PTCD2: variants seen among roughly 807,000 people sequenced by gnomAD.
The protein encoded by PTCD2 is pentatricopeptide repeat domain 2.
Under a neutral mutation model 42.6 loss-of-function variants are expected in PTCD2, and 31 were observed. That is an observed-to-expected ratio of 0.73 (90% CI 0.55 to 0.98). The LOEUF (loss-of-function observed/expected upper bound fraction) is 0.98. Ranked by LOEUF, PTCD2 falls within the 50% of genes least tolerant of loss-of-function variation. PTCD2 has a pLI of 0.00. For synonymous variants in PTCD2, 183 were observed against 170.9 expected (o/e 1.07, Z -0.55); for missense variants, 476 against 454.8 (o/e 1.05, Z -0.42).
At chr5:72,352,514 ATAAAT>A in intron 8 of PTCD2, 122 bp from the exon 9 acceptor site, 1 of 525,730 alleles carries the variant, frequency 1.9e-6, no homozygotes, top group Non-Finnish European at 3.4e-6. Context: ...GTGTAAGCAA[ATAAAT>A]TAGGAAGTAG....
Position 72,358,643 on chromosome 5 carries a change from G to A in PTCD2, c.*216G>A, listed in dbSNP as rs1261297139. 1 of 571,138 alleles carries A rather than the reference G, an allele frequency of 1.8e-6. No homozygotes were observed. The highest frequency in any genetic ancestry group is 3.1e-6 in the Non-Finnish European group (1 of 319,850). The allele number at this position is 571,138 out of a possible 1,614,324, so 35.4% of individuals were successfully genotyped here. The stretch of plus-strand genomic sequence containing the variant: ...ATGCAAGCTTGGCTCCCTCAGAAAG[G>A]CGCTTCCCTTTTGCATGGCTGAGGA... On this transcript the variant is annotated 3_prime_UTR_variant, in exon 10 of 10. Transcript: ENST00000380639.
chr5:72,368,214 C>T lies in PTCD2; in HGVS notation c.*9787C>T, dbSNP rs762558846. The stretch of plus-strand genomic sequence containing the variant: ...ATAGATGCAGAGTGTGGGACAAAGA[C>T]AACCAGCACATTGCTAAGCCCAAGT... On this transcript the variant is annotated 3_prime_UTR_variant, in exon 10 of 10. Coordinates refer to ENST00000380639, the MANE Select transcript of PTCD2 (RefSeq NM_024754.5). 2.0e-5 allele frequency: 3 copies of T among 152,148 alleles called. No individual in the cohort carries two copies. The highest frequency in any genetic ancestry group is 4.8e-5 in the African/African-American group (2 of 41,418). 9.4% of individuals were successfully genotyped at this position (152,148 alleles called of 1,614,324 possible).
Position 72,361,059 on chromosome 5 carries a change from A to G in PTCD2, c.*2632A>G, listed in dbSNP as rs1338630138. The G allele has an allele frequency of 1.3e-5, 2 of 152,182 alleles. No individual in the cohort carries two copies. Among genetic ancestry groups the G allele is most frequent in the Non-Finnish European group, 2.9e-5 (2 of 68,026 alleles). The allele number at this position is 152,182 out of a possible 1,614,324, so 9.4% of individuals were successfully genotyped here. A position where few individuals can be genotyped will look rare whatever the true frequency, so the allele number is the denominator to read the frequency against. ...CCTTAACTCTGTTATGTGCTTTTGTAGATTGTTTTTACTTACTGTAGATAT... is the reference window on the plus strand; with the variant it reads ...CCTTAACTCTGTTATGTGCTTTTGTGGATTGTTTTTACTTACTGTAGATAT... On this transcript the variant is annotated 3_prime_UTR_variant, in exon 10 of 10. Coordinates refer to ENST00000380639, the MANE Select transcript of PTCD2 (RefSeq NM_024754.5).
chr5:72,331,404 C>A, intron 4 of PTCD2, 29 bp downstream of exon 4: 1 of 1,439,910 alleles, frequency 6.9e-7, no homozygotes, highest in Non-Finnish European at 9.8e-7. Context: ...TTTTCTCTGC[C>A]AATGTGTGTG....
chr5:72,335,062 G>T lies in PTCD2; in HGVS notation c.513G>T (p.Leu171Phe). Reference protein sequence around the residue: ...FFSDSTSFNILMDMLFIKGKY... With the variant: ...FFSDSTSFNIFMDMLFIKGKY... ...CAGACTCCACATCATTCAATATTTTGATGGATATGTTATTTATCAAAGGCA... is the reference window on the plus strand; with the variant it reads ...CAGACTCCACATCATTCAATATTTTTATGGATATGTTATTTATCAAAGGCA... The change falls in exon 5 of 10, where the codon TTG becomes TTT. Residue 171 changes from leucine (L) to phenylalanine (F), a missense_variant. Coordinates refer to ENST00000380639, the MANE Select transcript of PTCD2 (RefSeq NM_024754.5). 6.3e-7 allele frequency: 1 copy of T among 1,589,484 alleles called. No homozygotes were observed. The highest frequency in any genetic ancestry group is 1.1e-5 in the South Asian group (1 of 90,318).
At position 72,320,414 on chromosome 5, in the gene PTCD2, G is replaced by T. The variant is rs373321347; in HGVS notation, c.32G>T (p.Arg11Leu). The change falls in exon 1 of 10, where the codon CGG becomes CTG. Residue 11 changes from arginine (R) to leucine (L), a missense_variant. Transcript: ENST00000380639. MVRDSMAAAF[R>L]PSNRVLLQAL... is the part of the protein sequence containing the mutation. ...CGAGACAGTATGGCTGCTGCATTTC[G>T]GCCCTCGAATCGAGTTCTCCTGCAG... 6.3e-5 allele frequency: 102 copies of T among 1,614,134 alleles called. No individual in the cohort carries two copies. In the African/African-American group the frequency reaches 1.2e-3, roughly 19 times the overall value.
intron 7 of PTCD2, 134 bp from the exon 8 acceptor site, chr5:72,342,828 C>T (rs565480147): frequency 5.4e-5 from 23 of 424,046 alleles, no homozygotes; most frequent in South Asian, 1.7e-4. Context: ...TTTTGATTTC[C>T]GAAACATTTT....
intron 6 of PTCD2, 63 bp downstream of exon 6, chr5:72,335,948 T>G: frequency 1.1e-6 from 1 of 886,798 alleles, no homozygotes; most frequent in Non-Finnish European, 1.8e-6. Context: ...GGATTTTTCT[T>G]CTCTCTACAA....
chr5:72,320,494 C>A lies in PTCD2; in HGVS notation c.112C>A (p.Arg38Ser). 1.2e-6 allele frequency: 2 copies of A among 1,614,008 alleles called. No homozygotes were observed. Among genetic ancestry groups the A allele is most frequent in the East Asian group, 2.2e-5 (1 of 44,858 alleles). ...GGGAGGCTCCGGCTCTGTCAGCTGC[C>A]GCTGCCCTCTCGGAGGTATCCGCGG... ...GVGGSGSVSC[R>S]CPLGAKRYLL... Residue 38 changes from arginine (R) to serine (S), a missense_variant, in exon 1 of 10, where the codon CGC becomes AGC. Transcript: ENST00000380639.
intron 4 of PTCD2, among the ~76,000 whole-genome samples, chr5:72,334,081 C>T (rs1751590849): frequency 6.6e-6 from 1 of 152,068 alleles, no homozygotes; most frequent in Non-Finnish European, 1.5e-5. Flanking sequence ...ATTGCCCAGG[C>T]TGGTCCTGAA....
intron 7 of PTCD2, among the ~76,000 whole-genome samples, chr5:72,340,756 T>C (rs989841343): frequency 1.3e-5 from 2 of 152,088 alleles, no homozygotes; most frequent in Admixed American, 1.3e-4. Flanking sequence ...CATTTTCTTT[T>C]CTTGAGGTAC....
intron 4 of PTCD2, among the ~76,000 whole-genome samples, chr5:72,332,868 T>C (rs1419795762): frequency 6.6e-6 from 1 of 152,220 alleles, no homozygotes; most frequent in Non-Finnish European, 1.5e-5. Flanking sequence ...GTATAAAATA[T>C]ATGATGGATT....
chr5:72,340,870 C>T lies in PTCD2; in HGVS notation c.754-2092C>T, dbSNP rs114890550. ...GCCTGATTTTTTTCCACTTGATTGA[C>T]GTGATGTTGTTCATTTTTCTCATTT... On this transcript the variant is annotated intron_variant, in intron 7 of 9. Transcript: ENST00000380639. Among the ~76,000 whole-genome samples, 978 of 151,346 alleles carry T rather than the reference C, an allele frequency of 6.5e-3. 12 individuals carry two copies. Among genetic ancestry groups the T allele is most frequent in the African/African-American group, 0.022 (921 of 41,226 alleles).
At chr5:72,348,535 A>G (rs1253580696) in intron 8 of PTCD2, among the ~76,000 whole-genome samples, 4 of 152,212 alleles carry the variant, frequency 2.6e-5, no homozygotes, top group Admixed American at 2.0e-4. Flanking sequence ...ACATACTGCA[A>G]TGATTTAACA....
rs73102462 is a variant in PTCD2 at position 72,358,899 on chromosome 5, A to C, written c.*472A>C. On this transcript the variant is annotated 3_prime_UTR_variant, in exon 10 of 10. Coordinates refer to ENST00000380639, the MANE Select transcript of PTCD2 (RefSeq NM_024754.5). Reference sequence around the variant, plus strand: ...TGCTCTGCCATCATATATGTCTATGACTTGAGCCCTTATTTTTCCATCTGC... The same window carrying C: ...TGCTCTGCCATCATATATGTCTATGCCTTGAGCCCTTATTTTTCCATCTGC... The C allele has an allele frequency of 0.013, 2,069 of 162,780 alleles. 45 individuals are homozygous for C. The highest frequency in any genetic ancestry group is 0.047 in the African/African-American group (1,969 of 41,778). 10.1% of individuals were successfully genotyped at this position (162,780 alleles called of 1,614,324 possible).
chr5:72,333,397 T>C (rs1751545620), intron 4 of PTCD2, among the ~76,000 whole-genome samples: 1 of 152,214 alleles, frequency 6.6e-6, no homozygotes, highest in Admixed American at 6.5e-5. Flanking sequence ...ACTTGTCTTA[T>C]TCACTGTCTT....
Position 72,342,843 on chromosome 5 carries a change from T to C in PTCD2, c.754-119T>C, listed in dbSNP as rs3792805. 2,074 of 455,442 alleles carry C rather than the reference T, an allele frequency of 4.6e-3. 64 individuals are homozygous for C. In the East Asian group the frequency reaches 0.063, roughly 14 times the overall value. 28.2% of individuals were successfully genotyped at this position (455,442 alleles called of 1,614,324 possible). A position where few individuals can be genotyped will look rare whatever the true frequency, so the allele number is the denominator to read the frequency against. On this transcript the variant is annotated intron_variant, in intron 7 of 9. Transcript: ENST00000380639. The stretch of plus-strand genomic sequence containing the variant: ...TTTTGATTTCCGAAACATTTTATCT[T>C]TGTGGACTTCAAAACCCTGAGGTCA...
intron 4 of PTCD2, 34 bp from the exon 5 acceptor site, chr5:72,334,984 C>G (rs1751650934): frequency 7.2e-7 from 1 of 1,395,042 alleles, no homozygotes; most frequent in Non-Finnish European, 1.0e-6. Flanking sequence ...ATAGTTTTAA[C>G]TTTTAACCAA....
At chr5:72,354,348 C>T (rs905872486) in intron 9 of PTCD2, among the ~76,000 whole-genome samples, 12 of 132,676 alleles carry the variant, frequency 9.0e-5, no homozygotes, top group African/African-American at 1.1e-4. Context: ...TGCGCCACTG[C>T]GCTCCAGCCT....
Sources: gnomAD v4.1 joint callset for allele counts (sites outside exome capture counted in the v4.1 genomes callset) on GRCh38, gnomAD v4.1.1 for gene constraint, MANE v1.5 for transcripts, NCBI Gene and HGNC (gene_info 2026-07-23, HGNC 2026-07-21) for gene names.